ENC1: variants seen among roughly 807,000 people sequenced by gnomAD.
The protein encoded by ENC1 is ectodermal-neural cortex 1, also known as ectoderm-neural cortex protein 1.
ENC1 carries 19 observed loss-of-function variants against 40.9 expected under a neutral mutation model. The observed-to-expected ratio is 0.46, with a 90% CI of 0.32 to 0.68. The LOEUF (loss-of-function observed/expected upper bound fraction) is 0.68, where lower values mean the gene tolerates loss of function less well. ENC1 is among the 30% of genes least tolerant of loss of function. The pLI, the probability that ENC1 is intolerant of heterozygous loss-of-function variation, is 0.03. For synonymous variants in ENC1, 285 were observed against 291.1 expected, an observed-to-expected ratio of 0.98 and a Z score of 0.21; for missense variants, 479 against 737.5, an observed-to-expected ratio of 0.65 and a Z score of 4.06.
chr5:74,639,301 G>A (rs910058736), intron 1 of ENC1, among the ~76,000 whole-genome samples: 4 of 152,154 alleles, frequency 2.6e-5, no homozygotes, highest in Non-Finnish European at 5.9e-5. Context: ...ATCATCTTTC[G>A]AGCATTTTTA....
At position 74,634,725 on chromosome 5, in the gene ENC1, C is replaced by T. The variant is rs184859519; in HGVS notation, c.1761G>A (p.Leu587=). The change falls in exon 2 of 3, where the codon CTG becomes CTA. Residue 587 remains leucine, a synonymous_variant. Coordinates refer to ENST00000302351, the MANE Select transcript of ENC1 (RefSeq NM_003633.4). ...PTAFVSTWKH[L]PS ...TTAGAATGTACTGCATTTAAGAAGGCAGATGTTTCCAGGTGCTGACAAATG... is the reference window on the plus strand; with the variant it reads ...TTAGAATGTACTGCATTTAAGAAGGTAGATGTTTCCAGGTGCTGACAAATG... 1.2e-5 allele frequency: 20 copies of T among 1,607,158 alleles called. No homozygotes were observed. Among genetic ancestry groups the T allele is most frequent in the Middle Eastern group, 1.7e-4 (1 of 6,038 alleles).
intron 1 of ENC1, among the ~76,000 whole-genome samples, chr5:74,638,810 G>T (rs1377212067): frequency 1.3e-5 from 2 of 152,210 alleles, no homozygotes; most frequent in African/African-American, 2.4e-5. Context: ...AGCAAATGCT[G>T]CCCTGAGTGA....
chr5:74,630,026 A>G (rs1266542044), intron 2 of ENC1, 34 bp from the exon 3 acceptor site: 1 of 152,140 alleles, frequency 6.6e-6, no homozygotes, highest in Non-Finnish European at 1.5e-5. Flanking sequence ...AAAACAAAAC[A>G]AAAAAGCATG....
chr5:74,638,324 C>A (rs1256453374), intron 1 of ENC1, among the ~76,000 whole-genome samples: 9 of 152,192 alleles, frequency 5.9e-5, no homozygotes. Flanking sequence ...GCACAGAAAA[C>A]CACAAAGGCA....
chr5:74,634,268 C>A (rs1366912736), intron 2 of ENC1, among the ~76,000 whole-genome samples: 1 of 152,078 alleles, frequency 6.6e-6, no homozygotes, highest in Non-Finnish European at 1.5e-5. Flanking sequence ...AAAAAATTAG[C>A]TAGGCCTGGT....
rs1387707285 is a variant in ENC1, at chr5:74,628,416, T to G, written c.*1609A>C. The G allele has an allele frequency of 6.6e-6, 1 of 152,600 alleles. No homozygotes were observed. Among genetic ancestry groups the G allele is most frequent in the East Asian group, 1.9e-4 (1 of 5,196 alleles). The allele number at this position is 152,600 out of a possible 1,614,324, so 9.5% of individuals were successfully genotyped here. A position where few individuals can be genotyped will look rare whatever the true frequency, so the allele number is the denominator to read the frequency against. On this transcript the variant is annotated 3_prime_UTR_variant, in exon 3 of 3. Coordinates refer to ENST00000302351, the MANE Select transcript of ENC1 (RefSeq NM_003633.4). ...CAGTTCGAGTTGCAAACTTTGGTCTTCCCCTGCACCTCAGGGGAAGCACCT... is the reference window on the plus strand; with the variant it reads ...CAGTTCGAGTTGCAAACTTTGGTCTGCCCCTGCACCTCAGGGGAAGCACCT...
At chr5:74,638,449 A>G (rs10474420) in intron 1 of ENC1, among the ~76,000 whole-genome samples, 19,254 of 152,200 alleles carry the variant, frequency 0.13, 1,364 homozygotes, top group African/African-American at 0.17. Context: ...AGGAAGCAAC[A>G]AAGTCCTAGA....
rs145037185 is a variant in ENC1 at position 74,636,171 on chromosome 5, C to G, written c.315G>C (p.Ala105=). The G allele has an allele frequency of 6.2e-7, 1 of 1,613,952 alleles. No individual in the cohort carries two copies. The highest frequency in any genetic ancestry group is 8.5e-7 in the Non-Finnish European group (1 of 1,180,026). The change falls in exon 2 of 3, where the codon GCG becomes GCC. Residue 105 remains alanine, a synonymous_variant. Transcript: ENST00000302351. The surrounding 1 kb of genome is among the most constrained non-coding windows in gnomAD (Gnocchi z 4.8). ...CATTGATGATGACCCGGGAGGAGTA[C>G]GCATAGTCAAGCAGCAGCTCCAAGA... The part of the protein sequence containing the change: ...PEVLELLLDY[A]YSSRVIINEE...
In ENC1 at chr5:74,634,728, A is replaced by G. The variant is rs762053436; in HGVS notation, c.1758T>C (p.His586=). The change falls in exon 2 of 3, where the codon CAT becomes CAC. Residue 586 remains histidine (H), a synonymous_variant. Transcript: ENST00000302351. The part of the protein sequence containing the change: ...IPTAFVSTWK[H]LPS Reference sequence around the variant, plus strand: ...GAATGTACTGCATTTAAGAAGGCAGATGTTTCCAGGTGCTGACAAATGCAG... The same window carrying G: ...GAATGTACTGCATTTAAGAAGGCAGGTGTTTCCAGGTGCTGACAAATGCAG... The G allele has an allele frequency of 6.2e-7, 1 of 1,607,490 alleles. No homozygotes were observed. Among genetic ancestry groups the G allele is most frequent in the Admixed American group, 1.7e-5 (1 of 59,930 alleles).
At position 74,636,446 on chromosome 5, in the gene ENC1, T is replaced by C; in HGVS notation, c.40A>G (p.Ser14Gly). Reference protein sequence around the residue: ...SVHENRKSRASSGSINIYLFH... With the variant: ...SVHENRKSRAGSGSINIYLFH... ...AGATAGATGTTAATGGAGCCGCTGC[T>C]GGCCCTGGACTTGCGGTTCTCATGC... is the stretch of plus-strand genomic sequence containing the variant. Residue 14 changes from serine to glycine, a missense_variant, in exon 2 of 3, where the codon AGC becomes GGC. Ser to Gly is a moderately conservative substitution (Grantham distance 56). Transcript: ENST00000302351. The surrounding 1 kb of genome is among the most constrained non-coding windows in gnomAD (Gnocchi z 4.8). 6.8e-6 allele frequency: 11 copies of C among 1,613,456 alleles called. No homozygotes were observed. Among genetic ancestry groups the C allele is most frequent in the East Asian group, 2.2e-5 (1 of 44,848 alleles).
At chr5:74,639,912 C>CAA (rs754635054) in intron 1 of ENC1, 1 of 152,320 alleles carries the variant, frequency 6.6e-6, no homozygotes, top group African/African-American at 2.4e-5. Flanking sequence ...GGGGAGGATG[C>CAA]AACGTGGGCC....
chr5:74,635,011 T>C lies in ENC1; in HGVS notation c.1475A>G (p.Asn492Ser). 2.5e-6 allele frequency: 4 copies of C among 1,614,152 alleles called. No individual in the cohort carries two copies. Among genetic ancestry groups the C allele is most frequent in the Non-Finnish European group, 3.4e-6 (4 of 1,180,016 alleles). The change falls in exon 2 of 3, where the codon AAC becomes AGC. Residue 492 changes from asparagine (N) to serine (S), a missense_variant. By Grantham distance (46) the Asn-to-Ser change is conservative. Coordinates refer to ENST00000302351, the MANE Select transcript of ENC1 (RefSeq NM_003633.4). The surrounding 1 kb of genome is among the most constrained non-coding windows in gnomAD (Gnocchi z 5.5). Reference protein sequence around the residue: ...WRYTAAAVLGNQIFIMGGDTE... With the variant: ...WRYTAAAVLGSQIFIMGGDTE... Reference sequence around the variant, plus strand: ...ATCACCCCCCATAATAAAAATCTGGTTCCCCAGCACAGCTGCTGCTGTGTA... The same window carrying C: ...ATCACCCCCCATAATAAAAATCTGGCTCCCCAGCACAGCTGCTGCTGTGTA...
chr5:74,633,742 TGCTCCAGTGCTGATGCCCTA>T lies in ENC1; in HGVS notation c.*32+922_*32+941del, dbSNP rs532125270. The stretch of plus-strand genomic sequence containing the variant: ...TTTATTCGGTGGCAGTGCAACACGA[TGCTCCAGTGCTGATGCCCTA>T]GAGCCAGACCCCCTGCATTGACTTC... On this transcript the variant is annotated intron_variant, in intron 2 of 2. Transcript: ENST00000302351. 1.4e-4 allele frequency among the ~76,000 whole-genome samples: 21 copies of T among 152,370 alleles called. No homozygotes were observed. In the South Asian group the frequency reaches 4.3e-3, roughly 32 times the overall value.
rs1163934181 is a variant in ENC1, at chr5:74,635,517, C to G, written c.969G>C (p.Lys323Asn). 1 of 1,614,210 alleles carries G rather than the reference C, an allele frequency of 6.2e-7. No individual in the cohort carries two copies. The part of the protein sequence containing the change: ...VDQKAKEIIP[K>N]ADIPSPRKEF... The stretch of plus-strand genomic sequence containing the variant: ...CTTTTCTTGGGCTGGGAATGTCAGC[C>G]TTGGGAATGATTTCTTTGGCCTTCT... Residue 323 changes from lysine to asparagine, a missense_variant, in exon 2 of 3, where the codon AAG becomes AAC. Lys to Asn is a moderately conservative substitution (Grantham distance 94). Coordinates refer to ENST00000302351, the MANE Select transcript of ENC1 (RefSeq NM_003633.4). The surrounding 1 kb of genome is among the most constrained non-coding windows in gnomAD (Gnocchi z 5.5).
chr5:74,631,925 C>T (rs35323547), intron 2 of ENC1, among the ~76,000 whole-genome samples: 12,235 of 152,292 alleles, frequency 0.08, 612 homozygotes, highest in Middle Eastern at 0.21. Context: ...TAAGTTACTA[C>T]ACGTCAAGCA....
chr5:74,638,869 T>C (rs1282373132), intron 1 of ENC1, among the ~76,000 whole-genome samples: 1 of 152,216 alleles, frequency 6.6e-6, no homozygotes, highest in Non-Finnish European at 1.5e-5. Flanking sequence ...CCAAAATGCT[T>C]ACACATTGAG....
At position 74,635,102 on chromosome 5, in the gene ENC1, C is replaced by A; in HGVS notation, c.1384G>T (p.Val462Phe). Reference protein sequence around the residue: ...TSVSHDKLPKVQCYDQCENRW... With the variant: ...TSVSHDKLPKFQCYDQCENRW... ...TTTTCACACTGATCGTAACACTGAA[C>A]TTTGGGGAGCTTGTCATGACTGACA... The change falls in exon 2 of 3, where the codon GTT (valine) becomes TTT (phenylalanine). Residue 462 changes from valine (V) to phenylalanine (F), a missense_variant. Transcript: ENST00000302351. The surrounding 1 kb of genome is among the most constrained non-coding windows in gnomAD (Gnocchi z 5.5). 6.2e-7 allele frequency: 1 copy of A among 1,614,238 alleles called. No homozygotes were observed. Among genetic ancestry groups the A allele is most frequent in the Non-Finnish European group, 8.5e-7 (1 of 1,180,046 alleles).
chr5:74,634,094 A>G (rs1026355666), intron 2 of ENC1, among the ~76,000 whole-genome samples: 2 of 152,108 alleles, frequency 1.3e-5, no homozygotes, highest in Non-Finnish European at 2.9e-5. Context: ...AATGAAACTA[A>G]GTCTCTGGGA....
chr5:74,636,644 C>G lies in ENC1; in HGVS notation c.-13-146G>C, dbSNP rs1019353450. 4 of 586,970 alleles carry G rather than the reference C, an allele frequency of 6.8e-6. No individual in the cohort carries two copies. Among genetic ancestry groups the G allele is most frequent in the East Asian group, 2.8e-5 (1 of 35,878 alleles). 36.4% of individuals were successfully genotyped at this position (586,970 alleles called of 1,614,324 possible). On this transcript the variant is annotated intron_variant, in intron 1 of 2. Transcript: ENST00000302351. The surrounding 1 kb of genome is among the most constrained non-coding windows in gnomAD (Gnocchi z 4.8). ...TATTCTAGAATAGTGTATGGCCATT[C>G]CAGGACAAAGCCAGAGACAACTACC... is the stretch of plus-strand genomic sequence containing the variant.
Sources: allele counts gnomAD v4.1 joint callset (sites outside exome capture counted in the v4.1 genomes callset), GRCh38; gene constraint gnomAD v4.1.1; non-coding constraint Gnocchi (gnomAD v3.1); transcripts MANE v1.5; gene names NCBI Gene and HGNC (gene_info 2026-07-23, HGNC 2026-07-21).